Variants in LNX2 observed in about 807,000 individuals in gnomAD.
LNX2 encodes ligand of numb-protein X 2.
A neutral mutation model predicts 66.2 loss-of-function variants in LNX2; 35 were observed. The observed-to-expected ratio is 0.53, with a 90% CI of 0.40 to 0.70. The LOEUF is 0.70. LNX2 is among the 30% of genes least tolerant of loss of function. The probability of loss-of-function intolerance (pLI) is 0.00; values close to 1 mark genes in which losing one functional copy is unlikely to be tolerated. For synonymous variants in LNX2, 337 were observed against 315.6 expected, an observed-to-expected ratio of 1.07 and a Z score of -0.72; for missense variants, 791 against 850.8, an observed-to-expected ratio of 0.93 and a Z score of 0.87.
At chr13:27,590,316 ACTCTGCTCACTGCAAC>A (rs1324908428) in intron 1 of LNX2, among the ~76,000 whole-genome samples, 1 of 151,506 alleles carries the variant, frequency 6.6e-6, no homozygotes, top group Admixed American at 6.6e-5. Flanking sequence ...CTCACTGCAA[ACTCTGCTCACTGCAAC>A]CTCTGCCTCC....
chr13:27,610,471 C>A (rs974214433), intron 1 of LNX2, among the ~76,000 whole-genome samples: 2 of 152,082 alleles, frequency 1.3e-5, no homozygotes, highest in Non-Finnish European at 2.9e-5. Flanking sequence ...TTGTTTGGAC[C>A]CTTATCTTAC....
chr13:27,579,543 T>C (rs949970950), intron 2 of LNX2, among the ~76,000 whole-genome samples: 2 of 152,216 alleles, frequency 1.3e-5, no homozygotes, highest in African/African-American at 4.8e-5. Flanking sequence ...TTACCAAGGT[T>C]TTTTACATTC....
At chr13:27,566,724 A>C (rs1593243935) in intron 4 of LNX2, among the ~76,000 whole-genome samples, 1 of 152,198 alleles carries the variant, frequency 6.6e-6, no homozygotes, top group Non-Finnish European at 1.5e-5. Context: ...TAGGGGGTAG[A>C]TATCAACAGG....
chr13:27,590,353 G>C (rs541267470), intron 1 of LNX2, among the ~76,000 whole-genome samples: 3 of 152,078 alleles, frequency 2.0e-5, no homozygotes, highest in Non-Finnish European at 4.4e-5. Flanking sequence ...TGAGCAGCTG[G>C]GATTACAGGC....
At chr13:27,607,038 A>G (rs1431851521) in intron 1 of LNX2, among the ~76,000 whole-genome samples, 1 of 152,340 alleles carries the variant, frequency 6.6e-6, no homozygotes, top group East Asian at 1.9e-4. Context: ...AATATTAATT[A>G]TCACATTTAT....
At chr13:27,585,151 C>A (rs1402032995) in intron 1 of LNX2, among the ~76,000 whole-genome samples, 1 of 151,084 alleles carries the variant, frequency 6.6e-6, no homozygotes, top group Non-Finnish European at 1.5e-5. Context: ...ATGGGCGAGG[C>A]ACGGTGGCTC....
At chr13:27,595,109 G>A (rs1158772364) in intron 1 of LNX2, among the ~76,000 whole-genome samples, 1 of 152,164 alleles carries the variant, frequency 6.6e-6, no homozygotes, top group East Asian at 1.9e-4. Flanking sequence ...TTGTGCTTTG[G>A]CCACACCAAA....
At chr13:27,570,616 T>G (rs989648298) in intron 2 of LNX2, among the ~76,000 whole-genome samples, 1 of 152,210 alleles carries the variant, frequency 6.6e-6, no homozygotes, top group Admixed American at 6.5e-5. Context: ...TTTTGAAAAT[T>G]AGATCATGAA....
At chr13:27,586,530 C>T (rs990874930) in intron 1 of LNX2, among the ~76,000 whole-genome samples, 19 of 152,174 alleles carry the variant, frequency 1.2e-4, no homozygotes, top group Non-Finnish European at 5.9e-5. Context: ...GAGCCTCCCA[C>T]AGGGGAGGAG....
At chr13:27,600,985 T>C (rs975207782) in intron 1 of LNX2, among the ~76,000 whole-genome samples, 1 of 152,200 alleles carries the variant, frequency 6.6e-6, no homozygotes, top group African/African-American at 2.4e-5. Flanking sequence ...TTAACCATAT[T>C]ACTTGACTGC....
In LNX2 at chr13:27,546,932, A is replaced by G. The variant is rs1392254241; in HGVS notation, c.*1403T>C. ...TCAAAAACATTTCAAAAAATATGAA[A>G]TAGTCTAGTGACTGAGAGCTGACTG... On this transcript the variant is annotated 3_prime_UTR_variant, in exon 10 of 10. Transcript: ENST00000316334. 1 of 152,206 alleles carries G rather than the reference A, an allele frequency of 6.6e-6. No individual in the cohort carries two copies. Among genetic ancestry groups the G allele is most frequent in the African/African-American group, 2.4e-5 (1 of 41,470 alleles). 9.4% of individuals were successfully genotyped at this position (152,206 alleles called of 1,614,324 possible). A position where few individuals can be genotyped will look rare whatever the true frequency, so the allele number is the denominator to read the frequency against.
At chr13:27,601,363 T>A (rs1461793828) in intron 1 of LNX2, among the ~76,000 whole-genome samples, 2 of 152,186 alleles carry the variant, frequency 1.3e-5, no homozygotes, top group Non-Finnish European at 2.9e-5. Context: ...AAAGACATTA[T>A]ATAAGCAATA....
At chr13:27,552,817 A>G (rs1018122287) in intron 8 of LNX2, among the ~76,000 whole-genome samples, 2 of 152,252 alleles carry the variant, frequency 1.3e-5, no homozygotes, top group African/African-American at 4.8e-5. Flanking sequence ...ATAAATTTAA[A>G]AAGGTGTTAA....
chr13:27,615,343 A>T (rs1053522809), intron 1 of LNX2, among the ~76,000 whole-genome samples: 2 of 152,228 alleles, frequency 1.3e-5, no homozygotes, highest in African/African-American at 4.8e-5. Context: ...GGTACGGGGA[A>T]GGGGTGCGGA....
At chr13:27,619,998 G>C (rs536446913) in intron 1 of LNX2, among the ~76,000 whole-genome samples, 40 of 152,278 alleles carry the variant, frequency 2.6e-4, no homozygotes, top group African/African-American at 6.3e-4. Context: ...CACACACACA[G>C]AGGAAATTTA....
In LNX2 at chr13:27,588,021, C is replaced by CAAAAAAAAAAAAAAA. The variant is rs56812051; in HGVS notation, c.-100-6233_-100-6219dup. The stretch of plus-strand genomic sequence containing the variant: ...GGGCAAGAGTGCGAGACTCTTGTCA[C>CAAAAAAAAAAAAAAA]AAAAAAAAAAAAAAAAAAAAAAAAA... On this transcript the variant is annotated intron_variant, in intron 1 of 9. Coordinates refer to ENST00000316334, the MANE Select transcript of LNX2 (RefSeq NM_153371.4). Among the ~76,000 whole-genome samples, 57 of 93,508 alleles carry CAAAAAAAAAAAAAAA rather than the reference C, an allele frequency of 6.1e-4. 1 individual carries two copies. The highest frequency in any genetic ancestry group is 1.1e-3 in the African/African-American group (28 of 26,302). 61.3% of individuals were successfully genotyped at this position (93,508 alleles called of 152,430 possible).
At chr13:27,597,146 T>A (rs1205332243) in intron 1 of LNX2, among the ~76,000 whole-genome samples, 1 of 152,190 alleles carries the variant, frequency 6.6e-6, no homozygotes, top group Non-Finnish European at 1.5e-5. Context: ...AATCTGTCCT[T>A]TTGTAGATGG....
chr13:27,588,025 A>C (rs1219003502), intron 1 of LNX2, among the ~76,000 whole-genome samples: 1 of 26,864 alleles, frequency 3.7e-5, no homozygotes, highest in East Asian at 7.9e-4. Flanking sequence ...TTGTCACAAA[A>C]AAAAAAAAAA....
At chr13:27,592,333 A>C (rs1450848231) in intron 1 of LNX2, among the ~76,000 whole-genome samples, 1 of 152,216 alleles carries the variant, frequency 6.6e-6, no homozygotes, top group Non-Finnish European at 1.5e-5. Flanking sequence ...GATTAATAAA[A>C]TGTGTTCATG....
Sources: gnomAD v4.1 joint callset for allele counts (sites outside exome capture counted in the v4.1 genomes callset) on GRCh38, gnomAD v4.1.1 for gene constraint, MANE v1.5 for transcripts, NCBI Gene and HGNC (gene_info 2026-07-23, HGNC 2026-07-21) for gene names.